The following DOCK2 variants were observed in gnomAD, a reference collection of about 807,000 sequenced individuals.
DOCK2 encodes dedicator of cytokinesis protein 2.
Under a neutral mutation model 248.9 loss-of-function variants are expected in DOCK2, and 87 were observed. The ratio of observed to expected loss-of-function variants is 0.35; its 90% CI spans 0.29 to 0.42. The LOEUF (loss-of-function observed/expected upper bound fraction) is 0.42, where lower values mean the gene tolerates loss of function less well. DOCK2 is among the 10% of genes least tolerant of loss of function. The pLI, the probability that DOCK2 is intolerant of heterozygous loss-of-function variation, is 1.00. For missense variants in DOCK2, 1,747 were observed against 2,300.2 expected, an observed-to-expected ratio of 0.76 and a Z score of 4.92; for synonymous variants, 805 against 821.6, an observed-to-expected ratio of 0.98 and a Z score of 0.35.
At chr5:169,848,357 G>GCGTATGTCTCCAGTCA (rs1355322053) in intron 27 of DOCK2, among the ~76,000 whole-genome samples, 1 of 152,236 alleles carries the variant, frequency 6.6e-6, no homozygotes, top group Non-Finnish European at 1.5e-5. Context: ...ACACCAGAGT[G>GCGTATGTCTCCAGTCA]CGTATGTCTC....
rs577469482 is a variant in DOCK2, at chr5:169,972,624, A to G, written c.2800-10444A>G. Among the ~76,000 whole-genome samples, 14 of 129,814 alleles carry G rather than the reference A, an allele frequency of 1.1e-4. No individual in the cohort carries two copies. The South Asian group carries it at 3.1e-3, about 29-fold the overall frequency. The allele number at this position is 129,814 out of a possible 152,430, so 85.2% of individuals were successfully genotyped here. A position where few individuals can be genotyped will look rare whatever the true frequency, so the allele number is the denominator to read the frequency against. On this transcript the variant is annotated intron_variant, in intron 27 of 51. Transcript: ENST00000520908. The stretch of plus-strand genomic sequence containing the variant: ...GATAGATAGATAGATAGATAGATAG[A>G]TAGATGATAGGTGGATAAAATCTCC...
At chr5:169,992,163 C>G (rs1396530951) in intron 29 of DOCK2, among the ~76,000 whole-genome samples, 1 of 152,172 alleles carries the variant, frequency 6.6e-6, no homozygotes, top group African/African-American at 2.4e-5. Flanking sequence ...AAACTCACGT[C>G]TCTAAAGTGG....
At chr5:169,748,987 C>T (rs1763762362) in intron 23 of DOCK2, among the ~76,000 whole-genome samples, 2 of 152,236 alleles carry the variant, frequency 1.3e-5, no homozygotes, top group African/African-American at 2.4e-5. Context: ...TCTCTCTGGT[C>T]AAAAGCCAAA....
chr5:170,025,076 G>T (rs1755857029), intron 33 of DOCK2, among the ~76,000 whole-genome samples: 1 of 152,328 alleles, frequency 6.6e-6, no homozygotes, highest in African/African-American at 2.4e-5. Context: ...GTAACATTCG[G>T]CAGTAATAAC....
Position 169,845,782 on chromosome 5 carries a change from G to T in DOCK2, c.2799+4930G>T, listed in dbSNP as rs554973588. 2.6e-5 allele frequency among the ~76,000 whole-genome samples: 4 copies of T among 152,352 alleles called. No homozygotes were observed. In the South Asian group the frequency reaches 8.3e-4, roughly 32 times the overall value. ...TGCTAGTGTAATTACAATGCTAAGAGTGCTGAGAGGGGAGAGCCAGAGGCC... is the reference window on the plus strand; with the variant it reads ...TGCTAGTGTAATTACAATGCTAAGATTGCTGAGAGGGGAGAGCCAGAGGCC... On this transcript the variant is annotated intron_variant, in intron 27 of 51. Coordinates refer to ENST00000520908, the MANE Select transcript of DOCK2 (RefSeq NM_004946.3).
chr5:169,987,559 C>G (rs1266174558), intron 29 of DOCK2, among the ~76,000 whole-genome samples: 4 of 152,234 alleles, frequency 2.6e-5, no homozygotes, highest in African/African-American at 9.6e-5. Flanking sequence ...ACTTCCCCTT[C>G]TGAGCTGTCC....
chr5:169,982,986 C>A (rs1401723648), intron 27 of DOCK2, 82 bp from the exon 28 acceptor site: 9 of 1,339,036 alleles, frequency 6.7e-6, no homozygotes, highest in East Asian at 4.6e-5. Flanking sequence ...GATGAATGAG[C>A]CATAAGGAGA....
At chr5:169,985,977 T>A in intron 29 of DOCK2, 55 bp downstream of exon 29, 1 of 1,489,986 alleles carries the variant, frequency 6.7e-7, no homozygotes, top group South Asian at 1.3e-5. Flanking sequence ...ACTTCAAAGA[T>A]CACTTATTTT....
intron 2 of DOCK2, among the ~76,000 whole-genome samples, chr5:169,656,584 A>G (rs1422480818): frequency 6.6e-6 from 1 of 152,112 alleles, no homozygotes; most frequent in Non-Finnish European, 1.5e-5. Flanking sequence ...AAGTGCTGGG[A>G]TGACAGGGGT....
At chr5:170,070,640 C>G (rs1408005608) in intron 46 of DOCK2, among the ~76,000 whole-genome samples, 1 of 152,188 alleles carries the variant, frequency 6.6e-6, no homozygotes, top group South Asian at 2.1e-4. Flanking sequence ...TTGACTCGTT[C>G]CCATCCTCAG....
intron 27 of DOCK2, among the ~76,000 whole-genome samples, chr5:169,853,802 A>C (rs1174135693): frequency 3.2e-5 from 4 of 125,222 alleles, no homozygotes; most frequent in Admixed American, 8.9e-5. Flanking sequence ...CAGGAAAAAC[A>C]ACTTTTTTTT....
Position 170,026,355 on chromosome 5 carries a change from C to T in DOCK2, c.3382-1508C>T, listed in dbSNP as rs149336254. On this transcript the variant is annotated intron_variant, in intron 33 of 51. Transcript: ENST00000520908. Reference sequence around the variant, plus strand: ...CTTCATCCGTAATAATAACTGACACCGAGGGTTGTACCAAGCAAGGGCTGG... The same window carrying T: ...CTTCATCCGTAATAATAACTGACACTGAGGGTTGTACCAAGCAAGGGCTGG... Among the ~76,000 whole-genome samples, 398 of 152,202 alleles carry T rather than the reference C, an allele frequency of 2.6e-3. 3 individuals carry two copies. Among genetic ancestry groups the T allele is most frequent in the African/African-American group, 8.9e-3 (370 of 41,498 alleles).
chr5:169,727,725 G>A (rs534005607), intron 22 of DOCK2, among the ~76,000 whole-genome samples: 16 of 152,244 alleles, frequency 1.1e-4, no homozygotes, highest in African/African-American at 3.9e-4. Flanking sequence ...ATTTAGACTA[G>A]CAGATGGATA....
At chr5:169,957,186 A>C (rs1776905041) in intron 27 of DOCK2, among the ~76,000 whole-genome samples, 2 of 152,208 alleles carry the variant, frequency 1.3e-5, no homozygotes, top group Non-Finnish European at 2.9e-5. Context: ...GTACTCAATA[A>C]ATAATGGTGA....
chr5:169,682,590 A>G (rs1478509000), intron 7 of DOCK2, among the ~76,000 whole-genome samples: 1 of 152,236 alleles, frequency 6.6e-6, no homozygotes, highest in East Asian at 1.9e-4. Flanking sequence ...AAAGGTTAAC[A>G]GTCTGACTTT....
At chr5:169,901,923 A>G (rs1406467360) in intron 27 of DOCK2, among the ~76,000 whole-genome samples, 1 of 152,134 alleles carries the variant, frequency 6.6e-6, no homozygotes, top group Non-Finnish European at 1.5e-5. Flanking sequence ...GGCTCTGGGG[A>G]CCACAGTGCC....
chr5:169,894,712 A>G (rs935531056), intron 27 of DOCK2, among the ~76,000 whole-genome samples: 14 of 152,220 alleles, frequency 9.2e-5, no homozygotes, highest in African/African-American at 3.1e-4. Context: ...AGCATGTGCA[A>G]CACACAGTAG....
intron 33 of DOCK2, among the ~76,000 whole-genome samples, chr5:170,027,396 G>A (rs1379862977): frequency 6.6e-6 from 1 of 152,058 alleles, no homozygotes; most frequent in South Asian, 2.1e-4. Flanking sequence ...AATGCCAAGT[G>A]GGCAGAAACA....
At chr5:169,724,081 G>A (rs541749445) in intron 22 of DOCK2, among the ~76,000 whole-genome samples, 19 of 152,256 alleles carry the variant, frequency 1.2e-4, no homozygotes, top group African/African-American at 4.6e-4. Flanking sequence ...TGAAGCAAAT[G>A]TGAGAACCTG....
Sources: gnomAD v4.1 joint callset for allele counts (sites outside exome capture counted in the v4.1 genomes callset) on GRCh38, gnomAD v4.1.1 for gene constraint, MANE v1.5 for transcripts, NCBI Gene and HGNC (gene_info 2026-07-23, HGNC 2026-07-21) for gene names.